Variants in HDAC4 observed in about 807,000 individuals in gnomAD.
HDAC4 encodes histone deacetylase 4.
A neutral mutation model predicts 135.1 loss-of-function variants in HDAC4; 16 were observed. The observed-to-expected ratio is 0.12, with a 90% CI of 0.08 to 0.18. The LOEUF is 0.18. Ranked by LOEUF, HDAC4 falls within the 10% of genes least tolerant of loss-of-function variation. HDAC4 has a pLI of 1.00. For synonymous variants in HDAC4, 685 were observed against 653.4 expected (o/e 1.05, Z -0.74); for missense variants, 1,143 against 1,511.8 (o/e 0.76, Z 4.05).
At chr2:239,112,064 G>T (rs1339848887) in intron 13 of HDAC4, among the ~76,000 whole-genome samples, 1 of 152,212 alleles carries the variant, frequency 6.6e-6, no homozygotes, top group Non-Finnish European at 1.5e-5. Flanking sequence ...ATCAAGGAGG[G>T]CTTCTCTGAG....
At chr2:239,208,412 A>G (rs1009294442) in intron 3 of HDAC4, among the ~76,000 whole-genome samples, 10 of 152,000 alleles carry the variant, frequency 6.6e-5, no homozygotes, top group Non-Finnish European at 1.0e-4. Context: ...ACCGTTAATT[A>G]TGATCATCTT....
intron 2 of HDAC4, among the ~76,000 whole-genome samples, chr2:239,294,937 C>T (rs911419798): frequency 2.0e-5 from 3 of 152,240 alleles, no homozygotes; most frequent in South Asian, 2.1e-4. Flanking sequence ...GACTGTCCAA[C>T]GGCTTCGGGA....
chr2:239,353,342 CA>C (rs1335325944), intron 1 of HDAC4, among the ~76,000 whole-genome samples: 1 of 152,152 alleles, frequency 6.6e-6, no homozygotes, highest in Non-Finnish European at 1.5e-5. Context: ...TTGTTCTGAC[CA>C]AGGACTGATA....
Position 239,127,848 on chromosome 2 carries a change from C to T in HDAC4, c.1295-1154G>A, listed in dbSNP as rs562376361. Among the ~76,000 whole-genome samples the T allele has an allele frequency of 2.5e-3, 379 of 152,356 alleles. 3 individuals are homozygous for T. Among genetic ancestry groups the T allele is most frequent in the Middle Eastern group, 0.02 (6 of 294 alleles). The stretch of plus-strand genomic sequence containing the variant: ...CTCCTGTCCTGTCCCTCCCCCAGGA[C>T]ACTGATGCCAGGGCTCGCAGGGCAG... On this transcript the variant is annotated intron_variant, in intron 11 of 26. Coordinates refer to ENST00000543185, the MANE Select transcript of HDAC4 (RefSeq NM_001378414.1).
chr2:239,236,530 G>T, intron 3 of HDAC4, 63 bp downstream of exon 3: 1 of 1,314,590 alleles, frequency 7.6e-7, no homozygotes, highest in Non-Finnish European at 1.1e-6. Context: ...AAGGCAGAGC[G>T]TCTGAACACC....
At chr2:239,298,962 G>A (rs898491089) in intron 2 of HDAC4, among the ~76,000 whole-genome samples, 5 of 138,442 alleles carry the variant, frequency 3.6e-5, no homozygotes, top group East Asian at 2.4e-4. Flanking sequence ...TCCGCCTCCC[G>A]GGTTCATGCC....
chr2:239,296,614 C>T (rs2051909524), intron 2 of HDAC4, among the ~76,000 whole-genome samples: 1 of 152,176 alleles, frequency 6.6e-6, no homozygotes. Flanking sequence ...TCGCATTTAT[C>T]TAATCATTTC....
intron 24 of HDAC4, among the ~76,000 whole-genome samples, chr2:239,060,438 C>T (rs957267951): frequency 1.3e-5 from 2 of 152,210 alleles, no homozygotes; most frequent in Non-Finnish European, 2.9e-5. Flanking sequence ...AATAGAAAAA[C>T]GGGTTGACAT....
intron 3 of HDAC4, among the ~76,000 whole-genome samples, chr2:239,223,215 A>G (rs1443215742): frequency 6.6e-6 from 1 of 152,228 alleles, no homozygotes. Flanking sequence ...CCGAAGTAGG[A>G]ACCACTATTA....
At chr2:239,222,187 G>A (rs780691707) in intron 3 of HDAC4, among the ~76,000 whole-genome samples, 4 of 152,156 alleles carry the variant, frequency 2.6e-5, no homozygotes, top group East Asian at 1.9e-4. Flanking sequence ...GTGGAATTCC[G>A]TGTGCAGAGT....
At chr2:239,256,251 TA>T (rs1559291723) in intron 2 of HDAC4, among the ~76,000 whole-genome samples, 1 of 152,256 alleles carries the variant, frequency 6.6e-6, no homozygotes, top group Non-Finnish European at 1.5e-5. Context: ...CTTTCTCTTT[TA>T]AGGCAGGAGA....
In HDAC4 at chr2:239,306,191, T is replaced by C. The variant is rs2052571472; in HGVS notation, c.22+46487A>G. Among the ~76,000 whole-genome samples, 2 of 152,204 alleles carry C rather than the reference T, an allele frequency of 1.3e-5. No homozygotes were observed. Among genetic ancestry groups the C allele is most frequent in the South Asian group, 4.1e-4 (2 of 4,832 alleles). On this transcript the variant is annotated intron_variant, in intron 2 of 26. Coordinates refer to ENST00000543185, the MANE Select transcript of HDAC4 (RefSeq NM_001378414.1). The surrounding 1 kb of genome is among the most constrained non-coding windows in gnomAD (Gnocchi z 4.5). ...CCCAGCTCTTCCCTGGGAAGTCATT[T>C]TCCTGAATAGATCTGACTTCCACTT...
intron 2 of HDAC4, among the ~76,000 whole-genome samples, chr2:239,330,989 C>G (rs1444096503): frequency 6.6e-6 from 1 of 152,236 alleles, no homozygotes; most frequent in Non-Finnish European, 1.5e-5. Flanking sequence ...TGACACAGAC[C>G]TGCTGCCCTG....
At chr2:239,260,236 GC>G (rs2049277620) in intron 2 of HDAC4, among the ~76,000 whole-genome samples, 1 of 152,162 alleles carries the variant, frequency 6.6e-6, no homozygotes, top group Admixed American at 6.5e-5. Flanking sequence ...ACACACACAC[GC>G]TCATGCAAAA....
In HDAC4 at chr2:239,308,597, T is replaced by C. The variant is rs568940148; in HGVS notation, c.22+44081A>G. ...CACACTTCGTATCCAGGTGAGCTCG[T>C]TTTTTGTATTTCAAAAGCACAAAGA... On this transcript the variant is annotated intron_variant, in intron 2 of 26. Transcript: ENST00000543185. The surrounding 1 kb of genome is among the most constrained non-coding windows in gnomAD (Gnocchi z 4.2). Among the ~76,000 whole-genome samples the C allele has an allele frequency of 7.4e-4, 112 of 152,280 alleles. No homozygotes were observed. The highest frequency in any genetic ancestry group is 2.6e-3 in the African/African-American group (109 of 41,560).
At chr2:239,079,567 GA>G (rs1473105189) in intron 22 of HDAC4, among the ~76,000 whole-genome samples, 1 of 152,250 alleles carries the variant, frequency 6.6e-6, no homozygotes, top group Non-Finnish European at 1.5e-5. Flanking sequence ...CAGACACTGA[GA>G]GGGGTCTCGT....
rs116289587 is a variant in HDAC4, at chr2:239,355,151, C to T, written c.-219-2233G>A. Reference sequence around the variant, plus strand: ...TGTCAGAAGATACATAAGTAAGAGTCTTTTATTTTGTTCAAAACATGACTC... The same window carrying T: ...TGTCAGAAGATACATAAGTAAGAGTTTTTTATTTTGTTCAAAACATGACTC... On this transcript the variant is annotated intron_variant, in intron 1 of 26. Coordinates refer to ENST00000543185, the MANE Select transcript of HDAC4 (RefSeq NM_001378414.1). Among the ~76,000 whole-genome samples the T allele has an allele frequency of 9.4e-3, 1,433 of 152,234 alleles. 10 individuals are homozygous for T. The highest frequency in any genetic ancestry group is 0.016 in the Admixed American group (251 of 15,284).
At chr2:239,065,439 G>C (rs2033350075) in intron 24 of HDAC4, among the ~76,000 whole-genome samples, 1 of 152,240 alleles carries the variant, frequency 6.6e-6, no homozygotes, top group African/African-American at 2.4e-5. Flanking sequence ...GGATGGTAGA[G>C]TGCTGCCTTT....
chr2:239,275,350 G>A (rs1400282231), intron 2 of HDAC4, among the ~76,000 whole-genome samples: 1 of 152,246 alleles, frequency 6.6e-6, no homozygotes, highest in African/African-American at 2.4e-5. Context: ...GCAAGCAAAT[G>A]ATTCATAACT....
Sources: gnomAD v4.1 joint callset for allele counts (sites outside exome capture counted in the v4.1 genomes callset) on GRCh38, gnomAD v4.1.1 for gene constraint, Gnocchi (gnomAD v3.1) non-coding constraint, MANE v1.5 for transcripts, NCBI Gene and HGNC (gene_info 2026-07-23, HGNC 2026-07-21) for gene names.